Variants in PIGQ observed in about 807,000 individuals in gnomAD.
PIGQ encodes phosphatidylinositol N-acetylglucosaminyltransferase subunit Q.
A neutral mutation model predicts 60.3 loss-of-function variants in PIGQ; 54 were observed. That is an observed-to-expected ratio of 0.90 (90% CI 0.72 to 1.12). The LOEUF (loss-of-function observed/expected upper bound fraction) is 1.12, where lower values mean the gene tolerates loss of function less well. PIGQ is among the 50% of genes most tolerant of loss of function. The pLI, the probability that PIGQ is intolerant of heterozygous loss-of-function variation, is 0.00. For synonymous variants in PIGQ, 416 were observed against 363.7 expected (o/e 1.14, Z -1.64); for missense variants, 799 against 793.5 (o/e 1.01, Z -0.08).
chr16:574,305 G>C lies in PIGQ; in HGVS notation c.231G>C (p.Leu77=). The change falls in exon 2 of 11, where the codon CTG becomes CTC. Residue 77 remains leucine, a synonymous_variant. Coordinates refer to ENST00000321878, the MANE Select transcript of PIGQ (RefSeq NM_004204.5). The part of the protein sequence containing the change: ...CHCRQEPEES[L]GRFLESLGAV... ...GCCGGCAGGAGCCCGAGGAGAGCCTGGGCCGCTTCCTGGAGAGCCTGGGTG... is the reference window on the plus strand; with the variant it reads ...GCCGGCAGGAGCCCGAGGAGAGCCTCGGCCGCTTCCTGGAGAGCCTGGGTG... 1.2e-6 allele frequency: 2 copies of C among 1,606,482 alleles called. No individual in the cohort carries two copies. The highest frequency in any genetic ancestry group is 1.7e-4 in the Middle Eastern group (1 of 6,054).
At chr16:580,800 A>C in intron 8 of PIGQ, 58 bp from the exon 9 acceptor site, 1 of 816,348 alleles carries the variant, frequency 1.2e-6, no homozygotes, top group South Asian at 1.3e-5. Context: ...ATGGGGTCGG[A>C]CTGCTCTGCC....
Position 580,120 on chromosome 16 carries a change from G to C in PIGQ, c.1336-63G>C. ...CAGCTCCGGGATGGGGGAGGGCACA[G>C]TGCTGGGCCGTCCCTGGGCGCGGGG... On this transcript the variant is annotated intron_variant, in intron 7 of 10. Transcript: ENST00000321878. The C allele has an allele frequency of 5.9e-6, 8 of 1,355,364 alleles. No homozygotes were observed. In the South Asian group the frequency reaches 1.0e-4, roughly 17 times the overall value. 84.0% of individuals were successfully genotyped at this position (1,355,364 alleles called of 1,614,324 possible).
At chr16:570,652 G>A (rs2035603984) in intron 1 of PIGQ, 1 of 152,252 alleles carries the variant, frequency 6.6e-6, no homozygotes, top group South Asian at 2.1e-4. Context: ...TTTTAGTAGA[G>A]ACTTGGTTTC....
chr16:575,322 C>A (rs989675481), intron 2 of PIGQ, among the ~76,000 whole-genome samples: 2 of 152,200 alleles, frequency 1.3e-5, no homozygotes, highest in Non-Finnish European at 2.9e-5. Flanking sequence ...GGGGGTAGCC[C>A]CGAGCTGTGG....
At position 578,443 on chromosome 16, in the gene PIGQ, T is replaced by C; in HGVS notation, c.1007T>C (p.Met336Thr). ...ATGGGTGCTCCCGCCGGGCTCAAGA[T>C]GAACCGTGCACTGGACCAGGTGCTG... ...WLMGAPAGLK[M>T]NRALDQVLGR... Residue 336 changes from methionine (M) to threonine (T), a missense_variant, in exon 5 of 11, where the codon ATG becomes ACG. Coordinates refer to ENST00000321878, the MANE Select transcript of PIGQ (RefSeq NM_004204.5). 6.2e-7 allele frequency: 1 copy of C among 1,612,664 alleles called. No individual in the cohort carries two copies. Among genetic ancestry groups the C allele is most frequent in the Non-Finnish European group, 8.5e-7 (1 of 1,179,876 alleles).
chr16:578,723 G>GCCT (rs1270730955), intron 5 of PIGQ, 62 bp from the exon 6 acceptor site: 1 of 1,566,742 alleles, frequency 6.4e-7, no homozygotes, highest in East Asian at 2.3e-5. Context: ...TGTGTGTGAG[G>GCCT]GTTGTGCTGG....
At position 583,050 on chromosome 16, in the gene PIGQ, C is replaced by T. The variant is rs372358187; in HGVS notation, c.*15C>T. Reference sequence around the variant, plus strand: ...AGCAGGACTGAGGGAACTGCTGGCTCGCCTGGCACCACCACACGGCCACAG... The same window carrying T: ...AGCAGGACTGAGGGAACTGCTGGCTTGCCTGGCACCACCACACGGCCACAG... On this transcript the variant is annotated 3_prime_UTR_variant, in exon 11 of 11. Transcript: ENST00000321878. The T allele has an allele frequency of 2.4e-5, 39 of 1,612,964 alleles. No homozygotes were observed. Among genetic ancestry groups the T allele is most frequent in the Middle Eastern group, 3.3e-4 (2 of 6,062 alleles).
rs563223293 is a variant in PIGQ, at chr16:574,629, C to T, written c.555C>T (p.Pro185=). 1.9e-5 allele frequency: 31 copies of T among 1,606,736 alleles called. No individual in the cohort carries two copies. Among genetic ancestry groups the T allele is most frequent in the Non-Finnish European group, 1.9e-5 (22 of 1,178,192 alleles). ...LFRSDRFDEG[P]VRLSHWQSEG... ...GCAGTGACCGCTTTGATGAGGGCCC[C>T]GTGCGGCTGAGCCACTGGCAGTCGG... The change falls in exon 2 of 11, where the codon CCC becomes CCT. Residue 185 remains proline (P), a synonymous_variant. Coordinates refer to ENST00000321878, the MANE Select transcript of PIGQ (RefSeq NM_004204.5).
intron 9 of PIGQ, 133 bp from the exon 10 acceptor site, chr16:582,115 G>T: frequency 1.4e-6 from 1 of 725,188 alleles, no homozygotes; most frequent in South Asian, 1.5e-5. Flanking sequence ...CGGAGGGGGC[G>T]GGGAGAGCTT....
Position 583,322 on chromosome 16 carries a change from G to C in PIGQ, c.*287G>C. 4 of 1,612,554 alleles carry C rather than the reference G, an allele frequency of 2.5e-6. No homozygotes were observed. The highest frequency in any genetic ancestry group is 3.4e-6 in the Non-Finnish European group (4 of 1,179,742). On this transcript the variant is annotated 3_prime_UTR_variant, in exon 11 of 11. Coordinates refer to ENST00000321878, the MANE Select transcript of PIGQ (RefSeq NM_004204.5). ...ATGGTGGCGAGCACAGCAACCCCAG[G>C]TGTCCAGAGCACTGCCCCATGCCCA...
At chr16:579,264 G>T in intron 7 of PIGQ, 84 bp downstream of exon 7, 1 of 1,076,064 alleles carries the variant, frequency 9.3e-7, no homozygotes. Flanking sequence ...GGCACCACAA[G>T]GGGGCAGCCT....
At chr16:571,919 T>C (rs1242409451) in intron 1 of PIGQ, among the ~76,000 whole-genome samples, 1 of 151,696 alleles carries the variant, frequency 6.6e-6, no homozygotes, top group Non-Finnish European at 1.5e-5. Context: ...GTAAACTTTG[T>C]AGATGAAGCA....
At position 575,837 on chromosome 16, in the gene PIGQ, A is replaced by G. The variant is rs587777543; in HGVS notation, c.690-2A>G. Reference sequence around the variant, plus strand: ...ACATCACTCCTCTCCACTCCCACGCAGAGTGTTCAAGCTCTGGCCCCTGTC... The same window carrying G: ...ACATCACTCCTCTCCACTCCCACGCGGAGTGTTCAAGCTCTGGCCCCTGTC... On this transcript the variant is annotated splice_acceptor_variant, in intron 2 of 10. Transcript: ENST00000321878. LOFTEE classifies it high-confidence loss of function. 1 of 1,561,842 alleles carries G rather than the reference A, an allele frequency of 6.4e-7. No individual in the cohort carries two copies. The highest frequency in any genetic ancestry group is 1.9e-5 in the Admixed American group (1 of 53,536).
At position 576,230 on chromosome 16, in the gene PIGQ, C is replaced by T. The variant is rs148911709; in HGVS notation, c.918C>T (p.Ala306=). 1,319 of 1,552,764 alleles carry T rather than the reference C, an allele frequency of 8.5e-4. 1 individual carries two copies. The highest frequency in any genetic ancestry group is 2.0e-3 in the Middle Eastern group (12 of 5,878). The part of the protein sequence containing the change: ...LHGRSRIGHL[A]DALVPVADHV... Reference sequence around the variant, plus strand: ...GGAGAAGCCGCATCGGGCATCTGGCCGACGCCCTCGTTCCTGTGGCTGACG... The same window carrying T: ...GGAGAAGCCGCATCGGGCATCTGGCTGACGCCCTCGTTCCTGTGGCTGACG... The change falls in exon 4 of 11, where the codon GCC becomes GCT. Residue 306 remains alanine (A), a synonymous_variant. Transcript: ENST00000321878.
At position 579,095 on chromosome 16, in the gene PIGQ, T is replaced by C; in HGVS notation, c.1250T>C (p.Leu417Pro). 1 of 1,612,788 alleles carries C rather than the reference T, an allele frequency of 6.2e-7. No individual in the cohort carries two copies. Among genetic ancestry groups the C allele is most frequent in the Non-Finnish European group, 8.5e-7 (1 of 1,179,746 alleles). The change falls in exon 7 of 11, where the codon CTG (leucine) becomes CCG (proline). Residue 417 changes from leucine (L) to proline (P), a missense_variant. By Grantham distance (98) the Leu-to-Pro change is moderately conservative. Transcript: ENST00000321878. Reference protein sequence around the residue: ...ARLYCLKIHGLSSLWRLFRGK... With the variant: ...ARLYCLKIHGPSSLWRLFRGK... ...CTGTACTGCCTGAAGATCCATGGCC[T>C]GTCCTCACTGTGGCGTCTGTTCCGG...
At position 578,912 on chromosome 16, in the gene PIGQ, C is replaced by T; in HGVS notation, c.1197C>T (p.Ile399=). 1 of 1,612,430 alleles carries T rather than the reference C, an allele frequency of 6.2e-7. No individual in the cohort carries two copies. The highest frequency in any genetic ancestry group is 1.3e-5 in the African/African-American group (1 of 75,002). Residue 399 remains isoleucine (I), a synonymous_variant, in exon 6 of 11, where the codon ATC becomes ATT. Transcript: ENST00000321878. ...TTATCGCCCTCCTCACCTTCCACAT[C>T]TACTGCTTTTACGTCTATGGAGCCA... The part of the protein sequence containing the change: ...SDIIALLTFH[I]YCFYVYGARL...
chr16:576,696 A>C, intron 4 of PIGQ: 2 of 415,570 alleles, frequency 4.8e-6, no homozygotes, highest in East Asian at 3.4e-5. Context: ...TGATTCTGTA[A>C]CTCCTGTGCT....
Position 574,562 on chromosome 16 carries a change from C to T in PIGQ, c.488C>T (p.Ala163Val), listed in dbSNP as rs767292546. Residue 163 changes from alanine (A) to valine (V), a missense_variant, in exon 2 of 11, where the codon GCT becomes GTT. By Grantham distance (64) the Ala-to-Val change is moderately conservative (BLOSUM62 0). Transcript: ENST00000321878. The stretch of plus-strand genomic sequence containing the variant: ...ACCACTGCCAGCACGGGGGGCCTGG[C>T]TGCCGTCTTCGACACGGTAGCACGC... Reference protein sequence around the residue: ...GATTASTGGLAAVFDTVARSE... With the variant: ...GATTASTGGLVAVFDTVARSE... 8.1e-6 allele frequency: 13 copies of T among 1,603,042 alleles called. No individual in the cohort carries two copies. The South Asian group carries it at 1.5e-4, about 18-fold the overall frequency.
chr16:575,830 C>G lies in PIGQ; in HGVS notation c.690-9C>G. 3.2e-6 allele frequency: 5 copies of G among 1,557,816 alleles called. No individual in the cohort carries two copies. The highest frequency in any genetic ancestry group is 4.3e-6 in the Non-Finnish European group (5 of 1,151,046). On this transcript the variant is annotated splice_polypyrimidine_tract_variant and intron_variant, in intron 2 of 10. Coordinates refer to ENST00000321878, the MANE Select transcript of PIGQ (RefSeq NM_004204.5). ...GAGGGACACATCACTCCTCTCCACT[C>G]CCACGCAGAGTGTTCAAGCTCTGGC...
Sources: gnomAD v4.1 joint callset for allele counts (sites outside exome capture counted in the v4.1 genomes callset) on GRCh38, gnomAD v4.1.1 for gene constraint, MANE v1.5 for transcripts, NCBI Gene and HGNC (gene_info 2026-07-23, HGNC 2026-07-21) for gene names.